TSPAN18: variants seen among roughly 807,000 people sequenced by gnomAD.
The protein encoded by TSPAN18 is tetraspanin 18, also known as tetraspanin-18.
In TSPAN18, 14 loss-of-function variants were observed where a neutral mutation model predicts 27.3. That is an observed-to-expected ratio of 0.51 (90% CI 0.34 to 0.80). The LOEUF is 0.80. Among genes scored for constraint, TSPAN18 ranks in the 30% least tolerant of loss-of-function variants. TSPAN18 has a pLI of 0.01. For missense variants in TSPAN18, 268 were observed against 323.9 expected, an observed-to-expected ratio of 0.83 and a Z score of 1.32; for synonymous variants, 143 against 136.5, an observed-to-expected ratio of 1.05 and a Z score of -0.33.
chr11:44,858,016 T>C (rs1441247176), intron 2 of TSPAN18, among the ~76,000 whole-genome samples: 4 of 152,220 alleles, frequency 2.6e-5, no homozygotes, highest in Admixed American at 1.3e-4. Flanking sequence ...AAATAGGGGT[T>C]CAAATCCAGT....
intron 2 of TSPAN18, 61 bp downstream of exon 2, chr11:44,764,573 T>C (rs1855523638): frequency 6.6e-6 from 1 of 152,270 alleles, no homozygotes; most frequent in Admixed American, 6.5e-5. Flanking sequence ...GGGTCTACTC[T>C]TCTCTCTTCT....
At chr11:44,785,947 G>A (rs1422893108) in intron 2 of TSPAN18, among the ~76,000 whole-genome samples, 1 of 152,242 alleles carries the variant, frequency 6.6e-6, no homozygotes, top group African/African-American at 2.4e-5. Flanking sequence ...AACTCTTCCT[G>A]TTTCCCTTTC....
At chr11:44,755,045 G>A (rs1325699392) in intron 1 of TSPAN18, among the ~76,000 whole-genome samples, 5 of 152,174 alleles carry the variant, frequency 3.3e-5, no homozygotes, top group Non-Finnish European at 7.3e-5. Context: ...GATGGGAGGC[G>A]TGAGGGGAAA....
rs367669112 is a variant in TSPAN18 at position 44,830,216 on chromosome 11, T to C, written c.-152-30112T>C. On this transcript the variant is annotated intron_variant, in intron 2 of 9. Coordinates refer to ENST00000520358, the MANE Select transcript of TSPAN18 (RefSeq NM_130783.5). ...CTCTCCACCTGGCTGGCCCCTCTTA[T>C]TCTTCAGTGTTCAATGCAGATACAT... Among the ~76,000 whole-genome samples the C allele has an allele frequency of 6.6e-5, 10 of 152,340 alleles. 1 individual carries two copies. Among genetic ancestry groups the C allele is most frequent in the African/African-American group, 2.4e-4 (10 of 41,572 alleles).
At chr11:44,878,533 G>T (rs1490841024) in intron 3 of TSPAN18, among the ~76,000 whole-genome samples, 2 of 152,112 alleles carry the variant, frequency 1.3e-5, no homozygotes, top group Non-Finnish European at 2.9e-5. Context: ...ATGTTGCATA[G>T]GATGGTGCTT....
intron 3 of TSPAN18, among the ~76,000 whole-genome samples, chr11:44,865,439 T>C (rs1002561384): frequency 6.6e-6 from 1 of 152,230 alleles, no homozygotes; most frequent in East Asian, 1.9e-4. Flanking sequence ...TTAAGCTATT[T>C]GTTGCATCTT....
intron 2 of TSPAN18, among the ~76,000 whole-genome samples, chr11:44,823,158 C>G (rs1454895408): frequency 6.6e-6 from 1 of 152,172 alleles, no homozygotes; most frequent in Admixed American, 6.5e-5. Flanking sequence ...CCGGCAACGC[C>G]CCCCCACTGC....
intron 2 of TSPAN18, among the ~76,000 whole-genome samples, chr11:44,827,096 G>A (rs1250098623): frequency 6.6e-6 from 1 of 152,198 alleles, no homozygotes; most frequent in Admixed American, 6.5e-5. Flanking sequence ...GTCTTGGGTG[G>A]ATCCCGCCAA....
intron 3 of TSPAN18, among the ~76,000 whole-genome samples, chr11:44,862,216 C>T (rs904044656): frequency 1.3e-5 from 2 of 152,354 alleles, no homozygotes; most frequent in East Asian, 3.9e-4. Context: ...CGTGGCCAGG[C>T]CAGCCTGGCA....
At chr11:44,858,492 A>G (rs2135206431) in intron 2 of TSPAN18, among the ~76,000 whole-genome samples, 1 of 152,360 alleles carries the variant, frequency 6.6e-6, no homozygotes, top group Middle Eastern at 3.4e-3. Context: ...GGCCCCACGC[A>G]GGTGAGGGTG....
chr11:44,786,663 A>C (rs1590465708), intron 2 of TSPAN18, among the ~76,000 whole-genome samples: 11 of 114,280 alleles, frequency 9.6e-5, no homozygotes, highest in Admixed American at 1.1e-4. Flanking sequence ...ACAGAGTTTC[A>C]CTCTGTTGCC....
chr11:44,777,416 G>A (rs888593303), intron 2 of TSPAN18, among the ~76,000 whole-genome samples: 2 of 152,076 alleles, frequency 1.3e-5, no homozygotes, highest in African/African-American at 2.4e-5. Context: ...TTCAGCTCCC[G>A]GTCACCAGCA....
chr11:44,857,064 T>C (rs1400543828), intron 2 of TSPAN18, among the ~76,000 whole-genome samples: 5 of 152,218 alleles, frequency 3.3e-5, no homozygotes, highest in Admixed American at 3.3e-4. Context: ...ACCCAGGGGC[T>C]GCACAACACT....
At chr11:44,880,542 G>A (rs1311537339) in intron 3 of TSPAN18, among the ~76,000 whole-genome samples, 2 of 152,198 alleles carry the variant, frequency 1.3e-5, no homozygotes, top group African/African-American at 2.4e-5. Flanking sequence ...CCTTGGGTAC[G>A]GAGGCCTGGT....
At chr11:44,903,487 A>G (rs11038198) in intron 3 of TSPAN18, 112,421 of 456,310 alleles carry the variant, frequency 0.25, 14,594 homozygotes, top group Middle Eastern at 0.32. Context: ...GTTGGGTTCC[A>G]GCAAGAGAGG....
At chr11:44,837,614 A>G (rs1182365236) in intron 2 of TSPAN18, among the ~76,000 whole-genome samples, 1 of 152,188 alleles carries the variant, frequency 6.6e-6, no homozygotes, top group Admixed American at 6.5e-5. Flanking sequence ...TGCTACAGAG[A>G]AATCTTTTGT....
intron 2 of TSPAN18, among the ~76,000 whole-genome samples, chr11:44,809,931 GC>G (rs1856677833): frequency 6.6e-6 from 1 of 152,128 alleles, no homozygotes; most frequent in African/African-American, 2.4e-5. Flanking sequence ...TCCTCACACA[GC>G]CCTGCAAAGC....
chr11:44,846,396 C>T (rs904571908), intron 2 of TSPAN18, among the ~76,000 whole-genome samples: 1 of 152,216 alleles, frequency 6.6e-6, no homozygotes, highest in African/African-American at 2.4e-5. Flanking sequence ...TGGGCGCAGG[C>T]CTGTGCAGTG....
intron 2 of TSPAN18, among the ~76,000 whole-genome samples, chr11:44,845,502 G>A (rs900392130): frequency 2.0e-5 from 3 of 152,236 alleles, no homozygotes; most frequent in Non-Finnish European, 2.9e-5. Context: ...AGCTTGTAGA[G>A]ATGAAGAAAA....
Sources: gnomAD v4.1 joint callset for allele counts (sites outside exome capture counted in the v4.1 genomes callset) on GRCh38, gnomAD v4.1.1 for gene constraint, MANE v1.5 for transcripts, NCBI Gene and HGNC (gene_info 2026-07-23, HGNC 2026-07-21) for gene names.